The following MALRD1 variants were observed in gnomAD, a reference collection of about 807,000 sequenced individuals.
MALRD1 encodes the protein MAM and LDL receptor class A domain containing 1, also known as MAM and LDL-receptor class A domain-containing protein 1.
A neutral mutation model predicts 242.1 loss-of-function variants in MALRD1; 247 were observed. The observed-to-expected ratio is 1.02, with a 90% CI of 0.92 to 1.13. The LOEUF (loss-of-function observed/expected upper bound fraction) is 1.13. Among genes scored for constraint, MALRD1 ranks in the 50% most tolerant of loss-of-function variants. MALRD1 has a pLI of 0.00. For missense variants in MALRD1, 2,989 were observed against 2,533.1 expected, an observed-to-expected ratio of 1.18 and a Z score of -3.86; for synonymous variants, 995 against 866.6, an observed-to-expected ratio of 1.15 and a Z score of -2.60.
intron 14 of MALRD1, among the ~76,000 whole-genome samples, chr10:19,191,440 A>G (rs1028287695): frequency 6.6e-6 from 1 of 152,210 alleles, no homozygotes; most frequent in African/African-American, 2.4e-5. Context: ...GCAATTCTTC[A>G]AAAAAATTAA....
At chr10:19,102,603 A>T (rs928403030) in intron 4 of MALRD1, among the ~76,000 whole-genome samples, 2 of 152,196 alleles carry the variant, frequency 1.3e-5, no homozygotes, top group Non-Finnish European at 2.9e-5. Context: ...TAAAATGTTT[A>T]TGTTGTAAAC....
intron 8 of MALRD1, among the ~76,000 whole-genome samples, chr10:19,129,306 A>G (rs972522175): frequency 9.9e-5 from 15 of 152,084 alleles, no homozygotes; most frequent in Admixed American, 5.9e-4. Flanking sequence ...ATTCAGGAAA[A>G]CACTTTACTC....
chr10:19,053,917 A>T (rs1429107528), intron 1 of MALRD1, among the ~76,000 whole-genome samples: 2 of 152,144 alleles, frequency 1.3e-5, no homozygotes, highest in Admixed American at 1.3e-4. Flanking sequence ...TCAGAAAAAA[A>T]ACTGAGTCCT....
intron 24 of MALRD1, 97 bp from the exon 25 acceptor site, chr10:19,347,674 T>C: frequency 7.2e-7 from 1 of 1,386,352 alleles, no homozygotes; most frequent in Non-Finnish European, 9.7e-7. Flanking sequence ...GTTTCAAATA[T>C]TACATGATAC....
intron 18 of MALRD1, among the ~76,000 whole-genome samples, chr10:19,216,115 C>CTTT (rs1203339393): frequency 1.0e-4 from 12 of 114,340 alleles, no homozygotes; most frequent in South Asian, 4.8e-4. Flanking sequence ...TTCTTTCTTT[C>CTTT]TTTCTTTTTT....
At chr10:19,457,689 G>T (rs1337430711) in intron 29 of MALRD1, among the ~76,000 whole-genome samples, 1 of 149,816 alleles carries the variant, frequency 6.7e-6, no homozygotes, top group African/African-American at 2.5e-5. Flanking sequence ...AAGAAACTAG[G>T]GAGAACTGGG....
At chr10:19,214,000 G>A (rs1837190742) in intron 18 of MALRD1, among the ~76,000 whole-genome samples, 1 of 152,146 alleles carries the variant, frequency 6.6e-6, no homozygotes. Flanking sequence ...CTGGACCTTG[G>A]TGAGCATGTG....
At chr10:19,467,925 C>T (rs1026084117) in intron 29 of MALRD1, among the ~76,000 whole-genome samples, 88 of 152,040 alleles carry the variant, frequency 5.8e-4, no homozygotes, top group African/African-American at 2.1e-3. Flanking sequence ...TCCCGAGCAG[C>T]TGAGATTACA....
At chr10:19,325,537 A>C (rs1843089939) in intron 22 of MALRD1, among the ~76,000 whole-genome samples, 1 of 151,998 alleles carries the variant, frequency 6.6e-6, no homozygotes, top group Admixed American at 6.6e-5. Context: ...TAATGCATAA[A>C]GTTCGTGAGT....
chr10:19,687,021 T>G (rs1304413290), intron 36 of MALRD1, among the ~76,000 whole-genome samples: 1 of 151,214 alleles, frequency 6.6e-6, no homozygotes, highest in Admixed American at 6.6e-5. Flanking sequence ...TAATAACGAG[T>G]GGATTTTTTT....
rs1052731848 is a variant in MALRD1, at chr10:19,389,473, C to T, written c.4709C>T (p.Ala1570Val). The change falls in exon 28 of 40, where the codon GCT becomes GTT. Residue 1570 changes from alanine (A) to valine (V), a missense_variant. Transcript: ENST00000454679. ...NENGHFMYLE[A>V]TAVGLRGDKA... is the part of the protein sequence containing the mutation. ...CTAGGGCACTTCATGTATCTGGAAG[C>T]TACTGCAGTGGGCCTTCGGGGTGAC... is the stretch of plus-strand genomic sequence containing the variant. The T allele has an allele frequency of 1.9e-5, 30 of 1,550,378 alleles. No individual in the cohort carries two copies. The Admixed American group carries it at 2.2e-4, about 11-fold the overall frequency.
intron 21 of MALRD1, among the ~76,000 whole-genome samples, chr10:19,289,069 T>G (rs1398144224): frequency 6.6e-6 from 1 of 152,092 alleles, no homozygotes; most frequent in African/African-American, 2.4e-5. Flanking sequence ...ATTCAAAATT[T>G]TTTTCTTTAA....
At chr10:19,442,546 C>T (rs1416135087) in intron 28 of MALRD1, among the ~76,000 whole-genome samples, 1 of 152,088 alleles carries the variant, frequency 6.6e-6, no homozygotes, top group African/African-American at 2.4e-5. Context: ...TGAATTTTGT[C>T]AAAGGCCTTT....
At chr10:19,585,969 ATTCAT>A (rs1005464025) in intron 33 of MALRD1, among the ~76,000 whole-genome samples, 2 of 151,864 alleles carry the variant, frequency 1.3e-5, no homozygotes, top group African/African-American at 2.4e-5. Flanking sequence ...GCTTCATTTC[ATTCAT>A]TTCATCTTCC....
At chr10:19,352,368 A>C in intron 26 of MALRD1, 71 bp downstream of exon 26, 23 of 1,366,168 alleles carry the variant, frequency 1.7e-5, no homozygotes, top group Non-Finnish European at 2.2e-5. Context: ...AAGAAAATGC[A>C]AAAGAAATAG....
chr10:19,530,400 A>ATATAATCT (rs1564417264), intron 31 of MALRD1, among the ~76,000 whole-genome samples: 2 of 84,216 alleles, frequency 2.4e-5, no homozygotes, highest in Non-Finnish European at 4.1e-5. Flanking sequence ...TTATATAAAT[A>ATATAATCT]TTATATATTT....
At chr10:19,693,243 A>G (rs1163511400) in intron 38 of MALRD1, among the ~76,000 whole-genome samples, 15 of 151,918 alleles carry the variant, frequency 9.9e-5, no homozygotes, top group Non-Finnish European at 1.5e-4. Flanking sequence ...GGCAGGAGAA[A>G]GAAAGAAAGG....
intron 28 of MALRD1, among the ~76,000 whole-genome samples, chr10:19,447,162 G>A (rs1219294607): frequency 2.0e-5 from 3 of 151,794 alleles, no homozygotes; most frequent in Admixed American, 1.3e-4. Flanking sequence ...TTTTTCTCCT[G>A]TATTAAATTA....
Position 19,098,311 on chromosome 10 carries a change from A to G in MALRD1, c.598-5668A>G, listed in dbSNP as rs190464449. On this transcript the variant is annotated intron_variant, in intron 4 of 39. Coordinates refer to ENST00000454679, the MANE Select transcript of MALRD1 (RefSeq NM_001142308.3). The stretch of plus-strand genomic sequence containing the variant: ...ATAAAAAGATACTGAAGCATTTTTA[A>G]CATGCTATTATTTACTTTTCATTTC... 2.8e-4 allele frequency among the ~76,000 whole-genome samples: 43 copies of G among 152,314 alleles called. No individual in the cohort carries two copies. The East Asian group carries it at 3.9e-3, about 14-fold the overall frequency.
Sources: gnomAD v4.1 joint callset for allele counts (sites outside exome capture counted in the v4.1 genomes callset) on GRCh38, gnomAD v4.1.1 for gene constraint, MANE v1.5 for transcripts, NCBI Gene and HGNC (gene_info 2026-07-23, HGNC 2026-07-21) for gene names.